The following RAD52 variants were observed in gnomAD, a reference collection of about 807,000 sequenced individuals.
RAD52 encodes the protein RAD52 DNA repair protein, also known as DNA repair protein RAD52 homolog.
RAD52 carries 47 observed loss-of-function variants against 55.5 expected under a neutral mutation model. The ratio of observed to expected loss-of-function variants is 0.85; its 90% CI spans 0.67 to 1.08. The LOEUF is 1.08. Among genes scored for constraint, RAD52 ranks in the 50% least tolerant of loss-of-function variants. The pLI is 0.00. For missense variants in RAD52, 468 were observed against 522.8 expected (o/e 0.90, Z 1.02); for synonymous variants, 184 against 198.9 (o/e 0.92, Z 0.63).
At chr12:971,938 C>T (rs925895138) in intron 1 of RAD52, among the ~76,000 whole-genome samples, 34 of 152,024 alleles carry the variant, frequency 2.2e-4, no homozygotes, top group African/African-American at 4.6e-4. Flanking sequence ...TTAGTAGAGA[C>T]GGGGTTTCAC....
Position 916,465 on chromosome 12 carries a change from G to C in RAD52, c.744C>G (p.Ala248=), listed in dbSNP as rs766452005. 1 of 1,607,500 alleles carries C rather than the reference G, an allele frequency of 6.2e-7. No individual in the cohort carries two copies. The highest frequency in any genetic ancestry group is 8.5e-7 in the Non-Finnish European group (1 of 1,179,470). ...GCTGGTGCGTGGCCTCGCTCTCCAC[G>C]GCGGATGAGCTCAGGCTTCTGCATG... ...DCSSRSLSSS[A]VESEATHQRK... is the part of the protein sequence containing the mutation. The change falls in exon 9 of 12, where the codon GCC becomes GCG. Residue 248 remains alanine, a synonymous_variant. Coordinates refer to ENST00000358495, the MANE Select transcript of RAD52 (RefSeq NM_134424.4).
intron 1 of RAD52, among the ~76,000 whole-genome samples, chr12:955,432 C>T (rs138720272): frequency 6.6e-6 from 1 of 151,788 alleles, no homozygotes; most frequent in Non-Finnish European, 1.5e-5. Flanking sequence ...ATCTTGCTAA[C>T]AGAACCCTGA....
At chr12:988,615 G>A (rs1272653005) in intron 1 of RAD52, among the ~76,000 whole-genome samples, 1 of 152,184 alleles carries the variant, frequency 6.6e-6, no homozygotes, top group Non-Finnish European at 1.5e-5. Flanking sequence ...CTCAGTTCTG[G>A]TGAGGGTTTT....
chr12:943,184 TA>T (rs1958007736), intron 1 of RAD52, among the ~76,000 whole-genome samples: 1 of 152,154 alleles, frequency 6.6e-6, no homozygotes, highest in Non-Finnish European at 1.5e-5. Flanking sequence ...GGCAAGGATG[TA>T]AAGCAACTGG....
intron 1 of RAD52, among the ~76,000 whole-genome samples, chr12:980,018 G>A (rs1322365399): frequency 4.0e-5 from 6 of 151,870 alleles, no homozygotes; most frequent in African/African-American, 1.2e-4. Flanking sequence ...ATGAAACCCC[G>A]TCTCTATTAA....
intron 1 of RAD52, among the ~76,000 whole-genome samples, chr12:955,627 C>A (rs1958594662): frequency 6.6e-6 from 1 of 152,098 alleles, no homozygotes; most frequent in Non-Finnish European, 1.5e-5. Flanking sequence ...GCACACGCCA[C>A]CACGCCCAGC....
At chr12:933,196 T>C (rs11571395) in intron 1 of RAD52, 120 bp from the exon 2 acceptor site, 116 of 662,072 alleles carry the variant, frequency 1.8e-4, no homozygotes, top group East Asian at 5.1e-4. Context: ...CAGTGGCTCA[T>C]GCCTGTAATC....
chr12:953,198 G>T (rs904419383), upstream of RAD52, among the ~76,000 whole-genome samples: 1 of 151,234 alleles, frequency 6.6e-6, no homozygotes, highest in African/African-American at 2.4e-5. Flanking sequence ...TCAGCTACTC[G>T]GGAGGCTGAG....
At chr12:963,861 C>T (rs567522310) in intron 1 of RAD52, among the ~76,000 whole-genome samples, 3 of 151,944 alleles carry the variant, frequency 2.0e-5, no homozygotes, top group African/African-American at 4.8e-5. Flanking sequence ...TGCAGCAGAA[C>T]TAGAGTGACG....
chr12:926,939 A>G, intron 6 of RAD52: 1 of 1,539,216 alleles, frequency 6.5e-7, no homozygotes. Context: ...ACTCCCAGCA[A>G]GGGAAGCCTG....
intron 1 of RAD52, among the ~76,000 whole-genome samples, 153 bp from the exon 2 acceptor site, chr12:933,229 T>C (rs1592386259): frequency 6.6e-6 from 1 of 151,770 alleles, no homozygotes; most frequent in South Asian, 2.1e-4. Flanking sequence ...GAGGCCGAGG[T>C]GGGTGGATCA....
intron 1 of RAD52, among the ~76,000 whole-genome samples, chr12:957,767 G>A (rs1172300572): frequency 1.3e-5 from 2 of 152,162 alleles, no homozygotes; most frequent in African/African-American, 2.4e-5. Flanking sequence ...TCCAGCCTGG[G>A]CAATAGAGTG....
chr12:954,916 G>C (rs1329018705), intron 1 of RAD52, among the ~76,000 whole-genome samples: 1 of 152,140 alleles, frequency 6.6e-6, no homozygotes, highest in Non-Finnish European at 1.5e-5. Flanking sequence ...GAGGAAAGGG[G>C]ATTCTTTTCC....
At chr12:931,131 G>T in intron 3 of RAD52, 89 bp downstream of exon 3, 1 of 1,078,004 alleles carries the variant, frequency 9.3e-7, no homozygotes, top group Non-Finnish European at 1.4e-6. Flanking sequence ...GCAGACTTCC[G>T]AATCCCTGAG....
intron 1 of RAD52, among the ~76,000 whole-genome samples, chr12:980,034 C>T (rs984769105): frequency 1.3e-4 from 20 of 151,692 alleles, no homozygotes; most frequent in African/African-American, 4.1e-4. Flanking sequence ...ATTAAAAATA[C>T]GAAAATTTGC....
chr12:912,455 A>T lies in RAD52; in HGVS notation c.*936T>A. 1 of 197,596 alleles carries T rather than the reference A, an allele frequency of 5.1e-6. No homozygotes were observed. Among genetic ancestry groups the T allele is most frequent in the Non-Finnish European group, 1.0e-5 (1 of 95,268 alleles). 12.2% of individuals were successfully genotyped at this position (197,596 alleles called of 1,614,324 possible). ...TGGGTCCCATCCCCAAGGTCTCATT[A>T]TGTGTATACAAATATTCAAAAAATG... On this transcript the variant is annotated 3_prime_UTR_variant, in exon 12 of 12. Transcript: ENST00000358495.
chr12:917,313 GA>G (rs1238525526), intron 7 of RAD52, among the ~76,000 whole-genome samples: 1 of 152,208 alleles, frequency 6.6e-6, no homozygotes, highest in African/African-American at 2.4e-5. Flanking sequence ...AGGCTGCAAG[GA>G]ATCTTCCAGA....
intron 1 of RAD52, among the ~76,000 whole-genome samples, chr12:967,530 T>G (rs1427514796): frequency 6.6e-6 from 1 of 151,830 alleles, no homozygotes; most frequent in Non-Finnish European, 1.5e-5. Context: ...GATTTTACGG[T>G]TATTGTGTTC....
intron 1 of RAD52, among the ~76,000 whole-genome samples, chr12:973,977 C>A (rs1003175107): frequency 1.3e-5 from 2 of 151,854 alleles, no homozygotes; most frequent in Non-Finnish European, 2.9e-5. Flanking sequence ...GAGATGGATT[C>A]TTGCCATATT....
Sources: allele counts gnomAD v4.1 joint callset (sites outside exome capture counted in the v4.1 genomes callset), GRCh38; gene constraint gnomAD v4.1.1; transcripts MANE v1.5; gene names NCBI Gene and HGNC (gene_info 2026-07-23, HGNC 2026-07-21).